PAK2: variants seen among roughly 807,000 people sequenced by gnomAD.
PAK2 encodes p21 (RAC1) activated kinase 2.
A neutral mutation model predicts 65.9 loss-of-function variants in PAK2; 21 were observed. The ratio of observed to expected loss-of-function variants is 0.32; its 90% confidence interval spans 0.23 to 0.46. The LOEUF is 0.46. Among genes scored for constraint, PAK2 ranks in the 20% least tolerant of loss-of-function variants. The probability of loss-of-function intolerance (pLI) is 1.00; values close to 1 mark genes in which losing one functional copy is unlikely to be tolerated. For missense variants in PAK2, 324 were observed against 642.6 expected, an observed-to-expected ratio of 0.50 and a Z score of 5.36; for synonymous variants, 204 against 219.7, an observed-to-expected ratio of 0.93 and a Z score of 0.63.
At chr3:196,740,807 G>A (rs1713166234) in intron 1 of PAK2, among the ~76,000 whole-genome samples, 1 of 152,130 alleles carries the variant, frequency 6.6e-6, no homozygotes, top group South Asian at 2.1e-4. Flanking sequence ...AGATAACTTA[G>A]GTGAAGTTAA....
chr3:196,806,603 C>T lies in PAK2; in HGVS notation c.493C>T (p.Pro165Ser), dbSNP rs762409703. The T allele has an allele frequency of 4.3e-6, 7 of 1,612,216 alleles. No individual in the cohort carries two copies. The African/African-American group carries it at 6.7e-5, about 15-fold the overall frequency. The stretch of plus-strand genomic sequence containing the variant: ...GCTGAATGCCAAGGGAACAGAAGCA[C>T]CCGCAGTAGTGACAGAGGAGGAGGA... ...PALNAKGTEA[P>S]AVVTEEEDDD... is the part of the protein sequence containing the mutation. The change falls in exon 6 of 15, where the codon CCC (proline) becomes TCC (serine). Residue 165 changes from proline (P) to serine (S), a missense_variant. Transcript: ENST00000327134.
intron 8 of PAK2, 31 bp from the exon 9 acceptor site, chr3:196,812,174 GTGATTTATCAACCT>G (rs772096525): frequency 1.1e-5 from 12 of 1,067,220 alleles, no homozygotes; most frequent in Middle Eastern, 2.0e-4. Context: ...GCAAATGCTA[GTGATTTATCAACCT>G]TAAATCTGGT....
chr3:196,817,156 A>ATTT (rs11314877), intron 11 of PAK2, among the ~76,000 whole-genome samples: 1,303 of 84,780 alleles, frequency 0.015, 122 homozygotes, highest in African/African-American at 0.047. Flanking sequence ...GAAAGAGGCA[A>ATTT]TTTTTTTTTT....
In PAK2 at chr3:196,830,326, C is replaced by CT. The variant is rs1347221210; in HGVS notation, c.*1922dup. On this transcript the variant is annotated 3_prime_UTR_variant, in exon 15 of 15. Coordinates refer to ENST00000327134, the MANE Select transcript of PAK2 (RefSeq NM_002577.4). Reference sequence around the variant, plus strand: ...TTTTTCTCTGGAATATATTGGCCTTCTACAGCTATTACTGAATTATAGAAA... The same window carrying CT: ...TTTTTCTCTGGAATATATTGGCCTTCTTACAGCTATTACTGAATTATAGAAA... The CT allele has an allele frequency of 6.6e-6, 1 of 152,166 alleles. No individual in the cohort carries two copies. Among genetic ancestry groups the CT allele is most frequent in the Non-Finnish European group, 1.5e-5 (1 of 68,038 alleles). 9.4% of individuals were successfully genotyped at this position (152,166 alleles called of 1,614,324 possible). A position where few individuals can be genotyped will look rare whatever the true frequency, so the allele number is the denominator to read the frequency against.
At chr3:196,755,718 A>G (rs1713745550) in intron 1 of PAK2, among the ~76,000 whole-genome samples, 2 of 151,870 alleles carry the variant, frequency 1.3e-5, no homozygotes, top group Admixed American at 6.6e-5. Context: ...TCAGCCTCCC[A>G]AAGTGTTGGG....
At chr3:196,751,335 A>G (rs1158885482) in intron 1 of PAK2, among the ~76,000 whole-genome samples, 3 of 151,994 alleles carry the variant, frequency 2.0e-5, no homozygotes, top group Non-Finnish European at 4.4e-5. Flanking sequence ...AATGCAAACC[A>G]TGTTTCGTGC....
chr3:196,745,810 T>C (rs1205508142), intron 1 of PAK2, among the ~76,000 whole-genome samples: 1 of 126,106 alleles, frequency 7.9e-6, no homozygotes, highest in African/African-American at 2.9e-5. Flanking sequence ...CGAGACTCCA[T>C]CTCTAAGTAA....
At chr3:196,762,679 A>T (rs1714023132) in intron 1 of PAK2, among the ~76,000 whole-genome samples, 1 of 146,266 alleles carries the variant, frequency 6.8e-6, no homozygotes, top group Non-Finnish European at 1.5e-5. Context: ...GACCGTGGGG[A>T]GAGGGAGAGG....
At chr3:196,786,162 TTC>T (rs1355176361) in intron 2 of PAK2, among the ~76,000 whole-genome samples, 1 of 146,954 alleles carries the variant, frequency 6.8e-6, no homozygotes, top group African/African-American at 2.5e-5. Flanking sequence ...TTTGATCAAT[TTC>T]TCTTTTTTTT....
Position 196,805,346 on chromosome 3 carries a change from A to G in PAK2, c.437-6A>G, listed in dbSNP as rs181631084. The G allele has an allele frequency of 3.5e-6, 5 of 1,416,418 alleles. No homozygotes were observed. In the East Asian group the frequency reaches 1.3e-4, roughly 35 times the overall value. The allele number at this position is 1,416,418 out of a possible 1,614,324, so 87.7% of individuals were successfully genotyped here. ...TTGCTAATGTTATGTTTTGTTTCATATTCAGAGAAAGATGGCTTTCCTTCT... is the reference window on the plus strand; with the variant it reads ...TTGCTAATGTTATGTTTTGTTTCATGTTCAGAGAAAGATGGCTTTCCTTCT... On this transcript the variant is annotated splice_region_variant and splice_polypyrimidine_tract_variant and intron_variant, in intron 4 of 14. Coordinates refer to ENST00000327134, the MANE Select transcript of PAK2 (RefSeq NM_002577.4).
chr3:196,753,186 T>G (rs1713664448), intron 1 of PAK2, among the ~76,000 whole-genome samples: 1 of 151,798 alleles, frequency 6.6e-6, no homozygotes, highest in African/African-American at 2.4e-5. Flanking sequence ...CTCGATCTCC[T>G]GACCTCGTGA....
rs1344037305 is a variant in PAK2 at position 196,791,879 on chromosome 3, C to T, written c.187+9046C>T. On this transcript the variant is annotated intron_variant, in intron 2 of 14. Coordinates refer to ENST00000327134, the MANE Select transcript of PAK2 (RefSeq NM_002577.4). The surrounding 1 kb of genome is among the most constrained non-coding windows in gnomAD (Gnocchi z 4.0). ...GCGGAGCTTGCAGTGGAGCTGTGAT[C>T]GCGCCACCGCACTCCAACCTGGGCG... 1.3e-5 allele frequency among the ~76,000 whole-genome samples: 2 copies of T among 151,104 alleles called. No individual in the cohort carries two copies. The highest frequency in any genetic ancestry group is 2.4e-5 in the African/African-American group (1 of 41,064).
At chr3:196,793,638 A>C (rs1244927733) in intron 2 of PAK2, among the ~76,000 whole-genome samples, 4 of 152,228 alleles carry the variant, frequency 2.6e-5, no homozygotes, top group South Asian at 4.1e-4. Context: ...GAGAAAAAAA[A>C]CCCCAAACTG....
chr3:196,825,908 A>G (rs1270819903), intron 13 of PAK2, among the ~76,000 whole-genome samples: 1 of 152,014 alleles, frequency 6.6e-6, no homozygotes, highest in African/African-American at 2.4e-5. Flanking sequence ...CAGTGGTGCA[A>G]TCTTGGCTCA....
chr3:196,827,390 GA>G, intron 14 of PAK2, 57 bp downstream of exon 14: 1 of 1,569,228 alleles, frequency 6.4e-7, no homozygotes, highest in East Asian at 2.3e-5. Flanking sequence ...GTAACCGACA[GA>G]AAGCTTTCCT....
chr3:196,808,137 G>A (rs149482764), intron 7 of PAK2: 1 of 363,846 alleles, frequency 2.7e-6, no homozygotes, highest in East Asian at 5.6e-5. Context: ...GGCCAACATG[G>A]TGAAACCCCG....
chr3:196,797,288 A>AACC (rs1715287030), intron 2 of PAK2, among the ~76,000 whole-genome samples: 1 of 152,040 alleles, frequency 6.6e-6, no homozygotes, highest in African/African-American at 2.4e-5. Context: ...AACATGGTGA[A>AACC]ACCGTCTTTA....
chr3:196,770,770 A>G (rs778560946), intron 1 of PAK2, among the ~76,000 whole-genome samples: 6 of 151,748 alleles, frequency 4.0e-5, no homozygotes, highest in Non-Finnish European at 8.8e-5. Context: ...TTGCAGGCGC[A>G]TGCCACCACG....
intron 12 of PAK2, among the ~76,000 whole-genome samples, chr3:196,818,787 G>A (rs4916560): frequency 0.037 from 5,613 of 152,078 alleles, 159 homozygotes; most frequent in Admixed American, 0.075. Flanking sequence ...CATTTACTAA[G>A]TGAATAACCT....
Sources: gnomAD v4.1 joint callset for allele counts (sites outside exome capture counted in the v4.1 genomes callset) on GRCh38, gnomAD v4.1.1 for gene constraint, Gnocchi (gnomAD v3.1) non-coding constraint, MANE v1.5 for transcripts, NCBI Gene and HGNC (gene_info 2026-07-23, HGNC 2026-07-21) for gene names.